The following MSRA variants were observed in gnomAD, a reference collection of about 807,000 sequenced individuals.
MSRA encodes mitochondrial peptide methionine sulfoxide reductase.
A neutral mutation model predicts 31.3 loss-of-function variants in MSRA; 54 were observed. The ratio of observed to expected loss-of-function variants is 1.73; its 90% CI spans 1.39 to 2.17. The LOEUF (loss-of-function observed/expected upper bound fraction) is 2.17, where lower values mean the gene tolerates loss of function less well. MSRA is among the 30% of genes most tolerant of loss of function. The probability of loss-of-function intolerance (pLI) is 0.00; values close to 1 mark genes in which losing one functional copy is unlikely to be tolerated. For missense variants in MSRA, 507 were observed against 300.9 expected (o/e 1.69, Z -5.07); for synonymous variants, 169 against 116.5 (o/e 1.45, Z -2.90).
At chr8:10,390,306 G>A (rs4841328) in intron 5 of MSRA, among the ~76,000 whole-genome samples, 119,646 of 152,214 alleles carry the variant, frequency 0.79, 48,517 homozygotes, top group Non-Finnish European at 0.9. Flanking sequence ...TTTCCTGTGC[G>A]AAATGGGCAG....
chr8:10,200,835 C>T (rs923653170), intron 1 of MSRA, among the ~76,000 whole-genome samples: 1 of 152,168 alleles, frequency 6.6e-6, no homozygotes, highest in Non-Finnish European at 1.5e-5. Flanking sequence ...GTGACTCCAT[C>T]CTCTCTCAGA....
rs553380609 is a variant in MSRA, at chr8:10,307,056, T to C, written c.436+5418T>C. Among the ~76,000 whole-genome samples, 13 of 152,304 alleles carry C rather than the reference T, an allele frequency of 8.5e-5. No homozygotes were observed. The South Asian group carries it at 2.7e-3, about 32-fold the overall frequency. Reference sequence around the variant, plus strand: ...CCAAAAGACTCATAATCTTGCTTAATGTTAGTGGCGGTATTTGGATGCAGC... The same window carrying C: ...CCAAAAGACTCATAATCTTGCTTAACGTTAGTGGCGGTATTTGGATGCAGC... On this transcript the variant is annotated intron_variant, in intron 4 of 5. Transcript: ENST00000317173.
chr8:10,375,305 A>G (rs934257613), intron 5 of MSRA, among the ~76,000 whole-genome samples: 6 of 152,214 alleles, frequency 3.9e-5, no homozygotes, highest in African/African-American at 1.4e-4. Context: ...GCTTAGCCTG[A>G]TCAGGAGCTG....
intron 1 of MSRA, among the ~76,000 whole-genome samples, chr8:10,114,984 T>C (rs929950330): frequency 2.0e-5 from 3 of 152,202 alleles, no homozygotes; most frequent in Non-Finnish European, 2.9e-5. Context: ...TTACCAGATA[T>C]TAAAACATAC....
chr8:10,113,452 A>G (rs973211227), intron 1 of MSRA, among the ~76,000 whole-genome samples: 24 of 151,404 alleles, frequency 1.6e-4, no homozygotes, highest in Non-Finnish European at 3.1e-4. Flanking sequence ...TTTTACCTGT[A>G]ATGGGAGGGT....
intron 5 of MSRA, among the ~76,000 whole-genome samples, chr8:10,427,500 C>T (rs1809253238): frequency 6.6e-6 from 1 of 152,174 alleles, no homozygotes; most frequent in Non-Finnish European, 1.5e-5. Context: ...TCCCCAGGCT[C>T]CCTGGCCTGG....
At chr8:10,350,926 C>T (rs187369937) in intron 5 of MSRA, among the ~76,000 whole-genome samples, 22 of 152,374 alleles carry the variant, frequency 1.4e-4, no homozygotes, top group Admixed American at 3.3e-4. Flanking sequence ...TTCCTACTGC[C>T]TGCCCTGCCT....
At chr8:10,384,514 T>C (rs1018056117) in intron 5 of MSRA, among the ~76,000 whole-genome samples, 16 of 152,324 alleles carry the variant, frequency 1.1e-4, no homozygotes, top group Admixed American at 9.1e-4. Context: ...TTCTCAACTC[T>C]GGCTGCTCAT....
chr8:10,285,117 C>A (rs114561895), intron 3 of MSRA, among the ~76,000 whole-genome samples: 3,890 of 152,060 alleles, frequency 0.026, 130 homozygotes, highest in African/African-American at 0.073. Context: ...GAGCCCATTC[C>A]CTTCGTCGTG....
intron 3 of MSRA, among the ~76,000 whole-genome samples, chr8:10,246,082 C>G (rs945817654): frequency 1.3e-5 from 2 of 152,210 alleles, no homozygotes; most frequent in African/African-American, 2.4e-5. Flanking sequence ...TAGGCCAAAT[C>G]CCACTTGCTG....
chr8:10,230,130 A>G (rs1585223555), intron 2 of MSRA, among the ~76,000 whole-genome samples: 1 of 152,240 alleles, frequency 6.6e-6, no homozygotes, highest in Non-Finnish European at 1.5e-5. Context: ...GTGACAGAAT[A>G]CAGTGTCCAG....
chr8:10,428,395 T>A lies in MSRA; in HGVS notation c.*83T>A. ...GCAATGCTTGTGTGATTCACAATCG[T>A]GGCATTTAAAGTGCACAAAGTACAA... On this transcript the variant is annotated 3_prime_UTR_variant, in exon 6 of 6. Coordinates refer to ENST00000317173, the MANE Select transcript of MSRA (RefSeq NM_012331.5). 6.8e-7 allele frequency: 1 copy of A among 1,463,534 alleles called. No homozygotes were observed. The highest frequency in any genetic ancestry group is 2.3e-5 in the East Asian group (1 of 43,248). The allele number at this position is 1,463,534 out of a possible 1,614,324, so 90.7% of individuals were successfully genotyped here.
intron 1 of MSRA, among the ~76,000 whole-genome samples, chr8:10,087,751 A>G (rs1328350388): frequency 6.6e-6 from 1 of 152,172 alleles, no homozygotes; most frequent in African/African-American, 2.4e-5. Flanking sequence ...TTGTTAGGTT[A>G]TTTCATTAGG....
chr8:10,417,253 G>A (rs537879000), intron 5 of MSRA, among the ~76,000 whole-genome samples: 19 of 152,216 alleles, frequency 1.2e-4, no homozygotes, highest in Admixed American at 3.3e-4. Context: ...CTTTGAACGC[G>A]CTCCTTGTCA....
chr8:10,088,409 A>G (rs758176922), intron 1 of MSRA, among the ~76,000 whole-genome samples: 37 of 152,320 alleles, frequency 2.4e-4, no homozygotes, highest in South Asian at 8.3e-4. Context: ...ATTATTGACA[A>G]TAGCTAAGAT....
chr8:10,374,134 A>G (rs1805627604), intron 5 of MSRA, among the ~76,000 whole-genome samples: 1 of 152,174 alleles, frequency 6.6e-6, no homozygotes, highest in African/African-American at 2.4e-5. Flanking sequence ...TAGTGAGCTG[A>G]TGGGCTTTTG....
chr8:10,323,422 TATG>T lies in MSRA; in HGVS notation c.543+3439_543+3441del, dbSNP rs553683203. Among the ~76,000 whole-genome samples the T allele has an allele frequency of 4.3e-4, 66 of 152,208 alleles. 1 individual carries two copies. The South Asian group carries it at 0.013, about 29-fold the overall frequency. On this transcript the variant is annotated intron_variant, in intron 5 of 5. Coordinates refer to ENST00000317173, the MANE Select transcript of MSRA (RefSeq NM_012331.5). ...TTAACTGCCCTCCAGAATACTGAAA[TATG>T]ATGATATCCTGGTGTTTGCAATGAA... is the stretch of plus-strand genomic sequence containing the variant.
intron 5 of MSRA, among the ~76,000 whole-genome samples, chr8:10,323,821 G>A (rs1232306575): frequency 1.4e-5 from 2 of 147,368 alleles, no homozygotes; most frequent in Non-Finnish European, 3.0e-5. Flanking sequence ...TGTCTGTTTG[G>A]CTTTTAAAAG....
chr8:10,367,928 T>C (rs943147941), intron 5 of MSRA, among the ~76,000 whole-genome samples: 2 of 152,118 alleles, frequency 1.3e-5, no homozygotes, highest in Non-Finnish European at 2.9e-5. Context: ...GCAGAGAGGG[T>C]GTGCTCACTT....
Sources: allele counts gnomAD v4.1 joint callset (sites outside exome capture counted in the v4.1 genomes callset), GRCh38; gene constraint gnomAD v4.1.1; transcripts MANE v1.5; gene names NCBI Gene and HGNC (gene_info 2026-07-23, HGNC 2026-07-21).